BOLL: variants seen among roughly 807,000 people sequenced by gnomAD.
The protein encoded by BOLL is boule RNA binding protein, also known as protein boule-like.
Under a neutral mutation model 44.4 loss-of-function variants are expected in BOLL, and 23 were observed. The observed-to-expected ratio is 0.52, with a 90% CI of 0.37 to 0.73. The LOEUF (loss-of-function observed/expected upper bound fraction) is 0.73. BOLL is among the 30% of genes least tolerant of loss of function. The pLI is 0.00. For missense variants in BOLL, 287 were observed against 338.3 expected (o/e 0.85, Z 1.19); for synonymous variants, 97 against 110.8 (o/e 0.88, Z 0.78).
chr2:197,734,846 C>G (rs999752467), intron 10 of BOLL, among the ~76,000 whole-genome samples: 1 of 152,040 alleles, frequency 6.6e-6, no homozygotes. Context: ...GGAGATATGC[C>G]TAATGCTAAA....
intron 3 of BOLL, among the ~76,000 whole-genome samples, chr2:197,778,025 GTTTACA>G (rs1432312620): frequency 6.6e-6 from 1 of 151,830 alleles, no homozygotes; most frequent in Non-Finnish European, 1.5e-5. Flanking sequence ...ATAAAATACA[GTTTACA>G]TTTACATTTC....
At chr2:197,734,468 T>A in intron 10 of BOLL, among the ~76,000 whole-genome samples, 1 of 152,212 alleles carries the variant, frequency 6.6e-6, no homozygotes, top group Middle Eastern at 3.2e-3. Context: ...ACTGGGTATA[T>A]ACCCAAAGGG....
chr2:197,785,569 G>C (rs1690038335), upstream of BOLL, among the ~76,000 whole-genome samples: 1 of 152,194 alleles, frequency 6.6e-6, no homozygotes, highest in African/African-American at 2.4e-5. This position sits in a 1 kb window ranked among gnomAD's most constrained non-coding sequence, Gnocchi z 6.7. Context: ...TGGAGGCGTC[G>C]ACCGCCCTGG....
At chr2:197,737,247 A>C (rs1258507452) in intron 10 of BOLL, among the ~76,000 whole-genome samples, 1 of 152,080 alleles carries the variant, frequency 6.6e-6, no homozygotes, top group African/African-American at 2.4e-5. Flanking sequence ...TGCCATATTC[A>C]ATTTTTTTTC....
At chr2:197,771,320 G>C (rs1407678606) in intron 6 of BOLL, among the ~76,000 whole-genome samples, 1 of 136,450 alleles carries the variant, frequency 7.3e-6, no homozygotes, top group Non-Finnish European at 1.6e-5. Flanking sequence ...ACAGAGGATG[G>C]GGACCATCAC....
intron 9 of BOLL, among the ~76,000 whole-genome samples, chr2:197,756,190 TCA>T: frequency 6.6e-6 from 1 of 152,234 alleles, no homozygotes; most frequent in East Asian, 1.9e-4. Flanking sequence ...AAAGATCAAA[TCA>T]AAGATTAGCT....
chr2:197,768,592 G>C (rs138502972), intron 6 of BOLL, among the ~76,000 whole-genome samples: 19 of 151,428 alleles, frequency 1.3e-4, no homozygotes, highest in African/African-American at 3.9e-4. Context: ...CAAAATAGCA[G>C]GAAATAGGTG....
chr2:197,747,577 G>A (rs548872196), intron 9 of BOLL, among the ~76,000 whole-genome samples: 22 of 97,604 alleles, frequency 2.3e-4, no homozygotes, highest in African/African-American at 7.1e-4. Context: ...AGCGAGACTC[G>A]GGCTCAAAAA....
chr2:197,782,844 ATATACTTGTAGCTCATAAATGTT>A (rs1438272645), intron 1 of BOLL, among the ~76,000 whole-genome samples: 1 of 152,212 alleles, frequency 6.6e-6, no homozygotes, highest in Non-Finnish European at 1.5e-5. Flanking sequence ...TTAAAAAATT[ATATACTTGTAGCTCATAAATGTT>A]TATTCCAAAG....
In BOLL at chr2:197,776,401, G is replaced by GA. The variant is rs1165893146; in HGVS notation, c.276+657dup. Among the ~76,000 whole-genome samples, 8 of 151,948 alleles carry GA rather than the reference G, an allele frequency of 5.3e-5. No homozygotes were observed. The South Asian group carries it at 1.7e-3, about 31-fold the overall frequency. ...CTGTTATATATGATGCCTTTAAATG[G>GA]AAAACCATATAAAACAAGGTTATAT... On this transcript the variant is annotated intron_variant, in intron 4 of 10. Transcript: ENST00000392296.
chr2:197,757,374 C>T lies in BOLL; in HGVS notation c.579G>A (p.Gln193=). The T allele has an allele frequency of 6.2e-7, 1 of 1,610,770 alleles. No homozygotes were observed. Among genetic ancestry groups the T allele is most frequent in the Non-Finnish European group, 8.5e-7 (1 of 1,178,222 alleles). The change falls in exon 8 of 11, where the codon CAG becomes CAA. Residue 193 remains glutamine (Q), a synonymous_variant. Transcript: ENST00000392296. ...YQATTQYLPG[Q]WQWSVPQPSA... ...TTACCTGAGGAACACTCCACTGCCA[C>T]TGTCCTGGTAAATACTGTGTGGTGG... is the stretch of plus-strand genomic sequence containing the variant.
chr2:197,748,027 T>C (rs1010111176), intron 9 of BOLL, among the ~76,000 whole-genome samples: 1 of 152,200 alleles, frequency 6.6e-6, no homozygotes, highest in African/African-American at 2.4e-5. Context: ...GGGTGATTTC[T>C]GCATTTCCAA....
At chr2:197,785,428 T>G, upstream of BOLL, 4 of 970,474 alleles carry the variant, frequency 4.1e-6, no homozygotes, top group Non-Finnish European at 4.9e-6. The surrounding 1 kb of genome is among the most constrained non-coding windows in gnomAD (Gnocchi z 6.7). Context: ...CAGTCCTCCT[T>G]CACTTCCCCA....
intron 6 of BOLL, among the ~76,000 whole-genome samples, chr2:197,769,775 T>C (rs1299687294): frequency 6.6e-6 from 1 of 152,064 alleles, no homozygotes; most frequent in Non-Finnish European, 1.5e-5. Flanking sequence ...ATAAAATACC[T>C]AGGAATCCAA....
chr2:197,776,295 A>AAT lies in BOLL; in HGVS notation c.277-557_277-556dup, dbSNP rs199862887. On this transcript the variant is annotated intron_variant, in intron 4 of 10. Coordinates refer to ENST00000392296, the MANE Select transcript of BOLL (RefSeq NM_033030.6). The stretch of plus-strand genomic sequence containing the variant: ...GAAGACTGTCATAGGCATTATGGAG[A>AAT]ATATATATATTAGATGTGCTTAATT... Among the ~76,000 whole-genome samples, 920 of 151,928 alleles carry AAT rather than the reference A, an allele frequency of 6.1e-3. 15 individuals carry two copies. Among genetic ancestry groups the AAT allele is most frequent in the African/African-American group, 0.021 (860 of 41,452 alleles).
chr2:197,764,052 G>T (rs1016549522), intron 7 of BOLL, among the ~76,000 whole-genome samples: 2 of 152,178 alleles, frequency 1.3e-5, no homozygotes, highest in African/African-American at 4.8e-5. Flanking sequence ...CCCTGGTGAG[G>T]ATGTAGAGAA....
intron 10 of BOLL, among the ~76,000 whole-genome samples, chr2:197,731,025 G>T (rs1687141772): frequency 6.6e-6 from 1 of 151,968 alleles, no homozygotes; most frequent in South Asian, 2.1e-4. Flanking sequence ...TGGCAAATTG[G>T]ATAAAGAGTC....
chr2:197,728,726 A>G (rs1686966938), intron 10 of BOLL, 148 bp from the exon 11 acceptor site: 4 of 554,780 alleles, frequency 7.2e-6, no homozygotes, highest in Non-Finnish European at 3.0e-6. Context: ...ACAAAGTGAG[A>G]GGCTAGCAAT....
At chr2:197,752,641 A>G (rs1688315353) in intron 9 of BOLL, among the ~76,000 whole-genome samples, 1 of 152,218 alleles carries the variant, frequency 6.6e-6, no homozygotes, top group Admixed American at 6.5e-5. Flanking sequence ...CCACTGCTCA[A>G]GGAAATATGA....
Sources: allele counts gnomAD v4.1 joint callset (sites outside exome capture counted in the v4.1 genomes callset), GRCh38; gene constraint gnomAD v4.1.1; non-coding constraint Gnocchi (gnomAD v3.1); transcripts MANE v1.5; gene names NCBI Gene and HGNC (gene_info 2026-07-23, HGNC 2026-07-21).